Variants in SF3A3 observed in about 807,000 individuals in gnomAD.
SF3A3 encodes splicing factor 3a subunit 3.
In SF3A3, 9 loss-of-function variants were observed where a neutral mutation model predicts 85.8. That is an observed-to-expected ratio of 0.10 (90% CI 0.06 to 0.18). The LOEUF (loss-of-function observed/expected upper bound fraction) is 0.18. SF3A3 is among the 10% of genes least tolerant of loss of function. SF3A3 has a pLI of 1.00. For missense variants in SF3A3, 306 were observed against 593.3 expected (o/e 0.52, Z 5.03); for synonymous variants, 195 against 204.4 (o/e 0.95, Z 0.39).
intron 11 of SF3A3, 67 bp downstream of exon 11, chr1:37,978,653 G>A (rs2148721691): frequency 2.0e-6 from 2 of 980,872 alleles, no homozygotes; most frequent in Middle Eastern, 3.1e-4. Flanking sequence ...TCTCCACTGT[G>A]GTTAAAAATT....
In SF3A3 at chr1:37,987,775, G is replaced by T; in HGVS notation, c.197+9C>A. On this transcript the variant is annotated intron_variant, in intron 3 of 16. Coordinates refer to ENST00000373019, the MANE Select transcript of SF3A3 (RefSeq NM_006802.4). Reference sequence around the variant, plus strand: ...ACTAACTCCTGGATTAGCTGTGACTGTCACTTACCCATCCTTATCATCATA... The same window carrying T: ...ACTAACTCCTGGATTAGCTGTGACTTTCACTTACCCATCCTTATCATCATA... The T allele has an allele frequency of 2.5e-6, 4 of 1,611,800 alleles. No individual in the cohort carries two copies. The highest frequency in any genetic ancestry group is 3.4e-6 in the Non-Finnish European group (4 of 1,177,922).
chr1:37,960,157 A>G lies in SF3A3; in HGVS notation c.1391T>C (p.Leu464Ser), dbSNP rs1428398720. The G allele has an allele frequency of 1.2e-6, 2 of 1,614,072 alleles. No individual in the cohort carries two copies. Among genetic ancestry groups the G allele is most frequent in the Non-Finnish European group, 1.7e-6 (2 of 1,180,002 alleles). ...CTGCCATCGTTCTGAAGCCTTCTGC[A>G]ATTTCAGTTTGGCCCACACTGCAGG... ...DAVSLWAKLK[L>S]QKASERWQPD... Residue 464 changes from leucine to serine, a missense_variant, in exon 16 of 17, where the codon TTG (leucine) becomes TCG (serine). By Grantham distance (145) the Leu-to-Ser change is moderately radical (BLOSUM62 -2). Coordinates refer to ENST00000373019, the MANE Select transcript of SF3A3 (RefSeq NM_006802.4).
At chr1:37,984,872 A>G (rs2148724353) in intron 4 of SF3A3, 93 bp from the exon 5 acceptor site, 2 of 1,031,180 alleles carry the variant, frequency 1.9e-6, no homozygotes, top group Non-Finnish European at 3.0e-6. Context: ...CACTGGCACA[A>G]TCTTGGCTCA....
At chr1:37,989,774 G>A (rs986477505) in intron 1 of SF3A3, 96 bp downstream of exon 1, 5 of 1,243,528 alleles carry the variant, frequency 4.0e-6, no homozygotes, top group Admixed American at 1.8e-5. Flanking sequence ...CCGGAGGAAG[G>A]CAGGGAGGTT....
chr1:37,972,206 C>T (rs1248877906), intron 12 of SF3A3, among the ~76,000 whole-genome samples: 1 of 152,156 alleles, frequency 6.6e-6, no homozygotes, highest in African/African-American at 2.4e-5. Context: ...TTCTTATACA[C>T]CAATAACAGA....
intron 16 of SF3A3, among the ~76,000 whole-genome samples, chr1:37,958,777 AAAAT>A (rs946742856): frequency 5.9e-5 from 9 of 152,214 alleles, no homozygotes; most frequent in African/African-American, 2.2e-4. Context: ...AAAAAGAAAA[AAAAT>A]ACTGAAAACC....
chr1:37,987,751 C>T (rs1298308265), intron 3 of SF3A3, 33 bp downstream of exon 3: 2 of 1,607,754 alleles, frequency 1.2e-6, no homozygotes, highest in Non-Finnish European at 1.7e-6. Flanking sequence ...CTCAGAAGCA[C>T]TAACTCCTGG....
At chr1:37,972,506 G>A (rs1285452422) in intron 12 of SF3A3, among the ~76,000 whole-genome samples, 1 of 152,120 alleles carries the variant, frequency 6.6e-6, no homozygotes, top group East Asian at 1.9e-4. Context: ...TTTCTTCACA[G>A]AATTGGAAAA....
chr1:37,981,413 G>A (rs1314681736), intron 7 of SF3A3, among the ~76,000 whole-genome samples: 1 of 152,146 alleles, frequency 6.6e-6, no homozygotes, highest in African/African-American at 2.4e-5. Context: ...CACTATCTGA[G>A]AAAGTCTAAT....
Position 37,964,008 on chromosome 1 carries a change from A to G in SF3A3, c.1373-3833T>C, listed in dbSNP as rs570447382. Among the ~76,000 whole-genome samples, 16 of 151,226 alleles carry G rather than the reference A, an allele frequency of 1.1e-4. No homozygotes were observed. The East Asian group carries it at 2.8e-3, about 27-fold the overall frequency. ...ATCTTGGCCAGCATGGTGAAACCCC[A>G]TCCCTACTAAAAATACAAAAATTAG... On this transcript the variant is annotated intron_variant, in intron 15 of 16. Transcript: ENST00000373019.
chr1:37,969,877 T>C, intron 12 of SF3A3, 142 bp from the exon 13 acceptor site: 1 of 878,444 alleles, frequency 1.1e-6, no homozygotes, highest in Non-Finnish European at 1.7e-6. Context: ...AATCTTGCCT[T>C]CATATCAGAA....
At position 37,957,563 on chromosome 1, in the gene SF3A3, C is replaced by A. The variant is rs28507204; in HGVS notation, c.*623G>T. The A allele has an allele frequency of 0.11, 17,000 of 148,330 alleles. 975 individuals are homozygous for A. Among genetic ancestry groups the A allele is most frequent in the East Asian group, 0.18 (883 of 5,016 alleles). The allele number at this position is 148,330 out of a possible 1,614,324, so 9.2% of individuals were successfully genotyped here. A position where few individuals can be genotyped will look rare whatever the true frequency, so the allele number is the denominator to read the frequency against. On this transcript the variant is annotated 3_prime_UTR_variant, in exon 17 of 17. Coordinates refer to ENST00000373019, the MANE Select transcript of SF3A3 (RefSeq NM_006802.4). ...GTCTCACTATGTTACCTAGGCTAGT[C>A]TCAAGCAACCCTCCTGCCTCAGCCT... is the stretch of plus-strand genomic sequence containing the variant.
At chr1:37,962,196 T>G (rs889600462) in intron 15 of SF3A3, among the ~76,000 whole-genome samples, 1 of 146,910 alleles carries the variant, frequency 6.8e-6, no homozygotes, top group Non-Finnish European at 1.5e-5. Flanking sequence ...GTGCTTACTA[T>G]GTGACAGGGC....
At chr1:37,985,058 T>G (rs1450500489) in intron 4 of SF3A3, among the ~76,000 whole-genome samples, 9 of 152,226 alleles carry the variant, frequency 5.9e-5, no homozygotes, top group Non-Finnish European at 1.3e-4. Context: ...TCTGCCCACC[T>G]TGGCCTCCCA....
At chr1:37,966,494 T>A (rs966409999) in intron 15 of SF3A3, among the ~76,000 whole-genome samples, 2 of 152,156 alleles carry the variant, frequency 1.3e-5, no homozygotes, top group African/African-American at 4.8e-5. Flanking sequence ...TAAAATCAAT[T>A]CAGAAAACTA....
In SF3A3 at chr1:37,980,761, G is replaced by A. The variant is rs1294000502; in HGVS notation, c.552-37C>T. On this transcript the variant is annotated intron_variant, in intron 7 of 16. Coordinates refer to ENST00000373019, the MANE Select transcript of SF3A3 (RefSeq NM_006802.4). Reference sequence around the variant, plus strand: ...CACACAATGCAGACAAAGCAAAAAGGGTTTCTATTTTTGGTATCTTGTTAT... The same window carrying A: ...CACACAATGCAGACAAAGCAAAAAGAGTTTCTATTTTTGGTATCTTGTTAT... 8 of 1,544,254 alleles carry A rather than the reference G, an allele frequency of 5.2e-6. 1 individual carries two copies. In the South Asian group the frequency reaches 7.4e-5, roughly 14 times the overall value.
Position 37,989,541 on chromosome 1 carries a change from C to T in SF3A3, c.144+7G>A, listed in dbSNP as rs1646480182. 2 of 1,613,146 alleles carry T rather than the reference C, an allele frequency of 1.2e-6. No individual in the cohort carries two copies. The highest frequency in any genetic ancestry group is 1.7e-6 in the Non-Finnish European group (2 of 1,179,724). ...ACCCAAAGAGAGGCAGACAGCTGGG[C>T]ACTCACATCTTGCATGGCCCGAGTG... On this transcript the variant is annotated splice_region_variant and intron_variant, in intron 2 of 16. Coordinates refer to ENST00000373019, the MANE Select transcript of SF3A3 (RefSeq NM_006802.4).
chr1:37,983,813 C>T (rs1312722980), intron 6 of SF3A3, among the ~76,000 whole-genome samples: 1 of 151,434 alleles, frequency 6.6e-6, no homozygotes, highest in Admixed American at 6.6e-5. Context: ...GTGGTATGCA[C>T]CTGTAGCCTC....
chr1:37,981,138 C>T (rs557341462), intron 7 of SF3A3, among the ~76,000 whole-genome samples: 15 of 152,148 alleles, frequency 9.9e-5, no homozygotes, highest in African/African-American at 2.4e-4. Context: ...TGTGAGCCAC[C>T]GCGCCCGGCC....
Sources: allele counts gnomAD v4.1 joint callset (sites outside exome capture counted in the v4.1 genomes callset), GRCh38; gene constraint gnomAD v4.1.1; transcripts MANE v1.5; gene names NCBI Gene and HGNC (gene_info 2026-07-23, HGNC 2026-07-21).